CTNNA2: variants seen among roughly 807,000 people sequenced by gnomAD.
CTNNA2 encodes the protein catenin alpha-2.
A neutral mutation model predicts 101.0 loss-of-function variants in CTNNA2; 42 were observed. That is an observed-to-expected ratio of 0.42 (90% confidence interval 0.32 to 0.54). The LOEUF is 0.54. CTNNA2 is among the 20% of genes least tolerant of loss of function. The pLI, the probability that CTNNA2 is intolerant of heterozygous loss-of-function variation, is 0.14. For missense variants in CTNNA2, 871 were observed against 1,223.1 expected (o/e 0.71, Z 4.29); for synonymous variants, 450 against 456.4 (o/e 0.99, Z 0.18).
intron 7 of CTNNA2, among the ~76,000 whole-genome samples, chr2:80,181,712 G>C (rs914430712): frequency 6.6e-6 from 1 of 152,074 alleles, no homozygotes; most frequent in Non-Finnish European, 1.5e-5. Context: ...TATATTCCTT[G>C]GTTCTCCACG....
At chr2:80,203,929 T>C (rs867801853) in intron 7 of CTNNA2, among the ~76,000 whole-genome samples, 2 of 152,206 alleles carry the variant, frequency 1.3e-5, no homozygotes, top group Admixed American at 1.3e-4. Context: ...AATTCTTGAC[T>C]TCTGTGCACC....
chr2:80,009,413 C>T (rs760766034), intron 7 of CTNNA2, among the ~76,000 whole-genome samples: 1 of 152,022 alleles, frequency 6.6e-6, no homozygotes, highest in Non-Finnish European at 1.5e-5. Flanking sequence ...TTTCACAGCT[C>T]GCAAGTCATT....
chr2:80,617,963 C>A (rs1159394650), intron 17 of CTNNA2, among the ~76,000 whole-genome samples: 2 of 151,716 alleles, frequency 1.3e-5, no homozygotes, highest in Admixed American at 1.3e-4. Flanking sequence ...GAGATGGTTT[C>A]ACTTTTCATG....
At chr2:80,456,627 C>G (rs954757522) in intron 9 of CTNNA2, among the ~76,000 whole-genome samples, 1 of 152,162 alleles carries the variant, frequency 6.6e-6, no homozygotes, top group Non-Finnish European at 1.5e-5. Flanking sequence ...CTCAAGGCTT[C>G]GTGCAAGTTA....
In CTNNA2 at chr2:80,467,881, C is replaced by T. The variant is rs552894252; in HGVS notation, c.1290+48280C>T. On this transcript the variant is annotated intron_variant, in intron 9 of 18. Coordinates refer to ENST00000402739, the MANE Select transcript of CTNNA2 (RefSeq NM_001282597.3). ...GACACTGAATCTGCTGGCATCTTGA[C>T]CCTGGACTTCCCAGCCTCTAGAATT... 6.6e-5 allele frequency among the ~76,000 whole-genome samples: 10 copies of T among 152,226 alleles called. No individual in the cohort carries two copies. In the South Asian group the frequency reaches 1.9e-3, roughly 28 times the overall value.
intron 18 of CTNNA2, among the ~76,000 whole-genome samples, chr2:80,639,492 G>C (rs1447975930): frequency 1.4e-5 from 2 of 141,294 alleles, no homozygotes; most frequent in Non-Finnish European, 3.1e-5. Flanking sequence ...TTATAGGCAT[G>C]AACCACCATG....
chr2:79,614,205 A>T (rs1573479948), intron 1 of CTNNA2, among the ~76,000 whole-genome samples: 1 of 152,208 alleles, frequency 6.6e-6, no homozygotes, highest in East Asian at 1.9e-4. Flanking sequence ...CTCCTCTTTA[A>T]TATGTTATAT....
intron 7 of CTNNA2, among the ~76,000 whole-genome samples, chr2:79,986,927 G>A (rs1558702538): frequency 6.6e-6 from 1 of 152,154 alleles, no homozygotes; most frequent in Non-Finnish European, 1.5e-5. Context: ...TCTGCCCTGA[G>A]TTTACAAAGA....
intron 12 of CTNNA2, among the ~76,000 whole-genome samples, chr2:80,564,429 A>G (rs1693871071): frequency 6.6e-6 from 1 of 152,160 alleles, no homozygotes. Context: ...TTCCTCAGGA[A>G]AAGGAATTTG....
intron 7 of CTNNA2, among the ~76,000 whole-genome samples, chr2:80,171,581 C>T (rs17018760): frequency 0.19 from 29,173 of 152,100 alleles, 3,839 homozygotes; most frequent in African/African-American, 0.37. Flanking sequence ...CCTAGGCTAG[C>T]GAGTCTCATG....
At chr2:80,024,087 A>AG (rs1434505374) in intron 7 of CTNNA2, among the ~76,000 whole-genome samples, 78 of 141,208 alleles carry the variant, frequency 5.5e-4, no homozygotes, top group East Asian at 6.1e-4. Flanking sequence ...ACTCCGTCTC[A>AG]GAAAAAAAAA....
At chr2:79,646,442 A>G (rs1029796280) in intron 1 of CTNNA2, among the ~76,000 whole-genome samples, 18 of 152,136 alleles carry the variant, frequency 1.2e-4, no homozygotes, top group African/African-American at 4.3e-4. Flanking sequence ...CCACAGAAAG[A>G]ATATGAAATT....
intron 2 of CTNNA2, among the ~76,000 whole-genome samples, chr2:79,693,993 T>A (rs2104716960): frequency 6.6e-6 from 1 of 152,124 alleles, no homozygotes; most frequent in South Asian, 2.1e-4. Context: ...AATGGTGTTT[T>A]TACAAATATT....
chr2:80,272,714 A>G (rs1039858107), intron 7 of CTNNA2, among the ~76,000 whole-genome samples: 1 of 152,182 alleles, frequency 6.6e-6, no homozygotes, highest in Admixed American at 6.5e-5. Flanking sequence ...GTTGTTTATT[A>G]TATTTTAGTA....
At chr2:80,402,669 A>G (rs1426887603) in intron 8 of CTNNA2, among the ~76,000 whole-genome samples, 2 of 151,726 alleles carry the variant, frequency 1.3e-5, no homozygotes, top group African/African-American at 4.8e-5. Flanking sequence ...CCTTATCTAC[A>G]AGGGTTTTAG....
chr2:79,655,009 T>A (rs909789505), intron 2 of CTNNA2, among the ~76,000 whole-genome samples: 1 of 152,198 alleles, frequency 6.6e-6, no homozygotes, highest in South Asian at 2.1e-4. Flanking sequence ...TATAATTGTA[T>A]ATGTTTAATT....
intron 7 of CTNNA2, among the ~76,000 whole-genome samples, chr2:80,001,644 G>A (rs1455485862): frequency 6.6e-6 from 1 of 152,122 alleles, no homozygotes; most frequent in Non-Finnish European, 1.5e-5. Flanking sequence ...GCAATCTATT[G>A]CAAAGGGAGA....
intron 7 of CTNNA2, among the ~76,000 whole-genome samples, chr2:79,916,711 T>C (rs1686248593): frequency 1.3e-5 from 2 of 151,064 alleles, no homozygotes. Context: ...GCCTCGCTAG[T>C]AGCTGGGACA....
At chr2:80,491,429 T>C (rs1472763458) in intron 9 of CTNNA2, among the ~76,000 whole-genome samples, 1 of 152,212 alleles carries the variant, frequency 6.6e-6, no homozygotes, top group East Asian at 1.9e-4. Flanking sequence ...GTAGTTAGAC[T>C]AGTTATTGAG....
Sources: gnomAD v4.1 joint callset for allele counts (sites outside exome capture counted in the v4.1 genomes callset) on GRCh38, gnomAD v4.1.1 for gene constraint, MANE v1.5 for transcripts, NCBI Gene and HGNC (gene_info 2026-07-23, HGNC 2026-07-21) for gene names.